The following ARHGAP23 variants were observed in gnomAD, a reference collection of about 807,000 sequenced individuals.
ARHGAP23 encodes Rho GTPase activating protein 23.
ARHGAP23 carries 34 observed loss-of-function variants against 136.3 expected under a neutral mutation model. The ratio of observed to expected loss-of-function variants is 0.25; its 90% CI spans 0.19 to 0.33. ARHGAP23 has a LOEUF of 0.33. Among genes scored for constraint, ARHGAP23 ranks in the 10% least tolerant of loss-of-function variants. ARHGAP23 has a pLI of 1.00. For synonymous variants in ARHGAP23, 832 were observed against 920.5 expected (o/e 0.90, Z 1.74); for missense variants, 1,808 against 2,139.0 (o/e 0.85, Z 3.05).
At chr17:38,428,593 G>C in intron 1 of ARHGAP23, 45 bp downstream of exon 1, 1 of 1,291,346 alleles carries the variant, frequency 7.7e-7, no homozygotes, top group Non-Finnish European at 1.0e-6. Flanking sequence ...GGTAGCTGCT[G>C]GGGAGCGGGC....
rs184474357 is a variant in ARHGAP23, at chr17:38,496,145, G to C, written c.3277-1640G>C. 6.1e-3 allele frequency among the ~76,000 whole-genome samples: 922 copies of C among 152,166 alleles called. 13 individuals carry two copies. The highest frequency in any genetic ancestry group is 0.021 in the African/African-American group (882 of 41,526). ...ACTCCTGACCTCAGGTGATCCGCCC[G>C]CCTCAGCCTCCCAAAGTGCTGGGAT... On this transcript the variant is annotated intron_variant, in intron 20 of 23. Coordinates refer to ENST00000622683, the MANE Select transcript of ARHGAP23 (RefSeq NM_001199417.2).
rs1278774291 is a variant in ARHGAP23 at position 38,498,489 on chromosome 17, C to A, written c.3394C>A (p.Pro1132Thr). 6.5e-7 allele frequency: 1 copy of A among 1,547,402 alleles called. No individual in the cohort carries two copies. Residue 1132 changes from proline (P) to threonine (T), a missense_variant, in exon 22 of 24, where the codon CCC becomes ACC. Physicochemically the swap from Pro to Thr is conservative, Grantham distance 38. Coordinates refer to ENST00000622683, the MANE Select transcript of ARHGAP23 (RefSeq NM_001199417.2). ...CCTGCCCAACATTGGCAGGACAGTG[C>A]CCCCTGGCGACCCGGGGTCAGGTGA... ...YLLPNIGRTV[P>T]PGDPGSDSTT...
At chr17:38,488,841 G>T (rs908425106) in intron 17 of ARHGAP23, among the ~76,000 whole-genome samples, 1 of 151,838 alleles carries the variant, frequency 6.6e-6, no homozygotes, top group Non-Finnish European at 1.5e-5. Context: ...GAGCCACCGC[G>T]CCCTGCCTAA....
intron 17 of ARHGAP23, chr17:38,489,688 A>G (rs9890193): frequency 0.019 from 3,453 of 179,068 alleles, 123 homozygotes; most frequent in African/African-American, 0.076. Context: ...AAAGGTCCCC[A>G]TGGACTTGTT....
In ARHGAP23 at chr17:38,479,544, G is replaced by A. The variant is rs1452389899; in HGVS notation, c.2498+47G>A. The A allele has an allele frequency of 5.2e-6, 8 of 1,533,280 alleles. No individual in the cohort carries two copies. In the African/African-American group the frequency reaches 6.9e-5, roughly 13 times the overall value. The allele number at this position is 1,533,280 out of a possible 1,614,324, so 95.0% of individuals were successfully genotyped here. ...GCAGTCTCCTCTGTGGGGGTGGTAG[G>A]GGGCTGAAGGCAAAGGATGTCTTCC... On this transcript the variant is annotated intron_variant, in intron 13 of 23. Transcript: ENST00000622683.
intron 23 of ARHGAP23, chr17:38,500,921 T>G (rs903841126): frequency 1.4e-4 from 60 of 437,150 alleles, no homozygotes; most frequent in Admixed American, 2.4e-4. Context: ...AGTCCTGGGT[T>G]TGAGTTCTGG....
At position 38,472,021 on chromosome 17, in the gene ARHGAP23, G is replaced by A. The variant is rs758365869; in HGVS notation, c.2118+15G>A. 2.1e-5 allele frequency: 32 copies of A among 1,539,100 alleles called. No individual in the cohort carries two copies. In the East Asian group the frequency reaches 6.1e-4, roughly 29 times the overall value. Reference sequence around the variant, plus strand: ...AGAAGGGGAAGGTAAGATGGGTGGAGGAATGAGGTGGAAGCTGGCTCCAGC... The same window carrying A: ...AGAAGGGGAAGGTAAGATGGGTGGAAGAATGAGGTGGAAGCTGGCTCCAGC... On this transcript the variant is annotated intron_variant, in intron 11 of 23. Transcript: ENST00000622683.
chr17:38,479,673 G>A (rs1347317721), intron 13 of ARHGAP23, 80 bp from the exon 14 acceptor site: 45 of 1,443,222 alleles, frequency 3.1e-5, no homozygotes, highest in Admixed American at 5.2e-5. Context: ...GGGAGGTCCC[G>A]AGGGGCGGGA....
At chr17:38,464,960 C>G (rs1415135305) in intron 6 of ARHGAP23, among the ~76,000 whole-genome samples, 1 of 152,166 alleles carries the variant, frequency 6.6e-6, no homozygotes, top group Non-Finnish European at 1.5e-5. Flanking sequence ...CCCATCCTCT[C>G]CTCCCTCCTC....
Position 38,510,232 on chromosome 17 carries a change from A to G in ARHGAP23, c.3736A>G (p.Ile1246Val). Residue 1246 changes from isoleucine to valine, a missense_variant, in exon 24 of 24, where the codon ATT (isoleucine) becomes GTT (valine). This residue lies in a region of ARHGAP23 where 506 missense variants were observed against 455.8 expected (regional missense o/e 1.11). Coordinates refer to ENST00000622683, the MANE Select transcript of ARHGAP23 (RefSeq NM_001199417.2). This position sits in a 1 kb window ranked among gnomAD's most constrained non-coding sequence, Gnocchi z 4.6. ...GCGGCCGGCCGCGGACACGCGCTCCATTGTGTCGGGCTACTCCACCCTGTC... is the reference window on the plus strand; with the variant it reads ...GCGGCCGGCCGCGGACACGCGCTCCGTTGTGTCGGGCTACTCCACCCTGTC... ...EERPAADTRS[I>V]VSGYSTLSTM... 3.6e-6 allele frequency: 5 copies of G among 1,381,434 alleles called. No homozygotes were observed. The highest frequency in any genetic ancestry group is 4.7e-6 in the Non-Finnish European group (5 of 1,067,156). The allele number at this position is 1,381,434 out of a possible 1,614,324, so 85.6% of individuals were successfully genotyped here.
At chr17:38,482,893 G>A (rs899548015) in intron 16 of ARHGAP23, among the ~76,000 whole-genome samples, 3 of 152,236 alleles carry the variant, frequency 2.0e-5, no homozygotes, top group Non-Finnish European at 2.9e-5. Context: ...CCAAGTAAAT[G>A]CAGTCATGGC....
chr17:38,470,693 C>T (rs1359123675), intron 10 of ARHGAP23, among the ~76,000 whole-genome samples: 2 of 152,034 alleles, frequency 1.3e-5, no homozygotes, highest in South Asian at 2.1e-4. Flanking sequence ...TGTGCCACCA[C>T]GCCTGGGTAA....
rs765799975 is a variant in ARHGAP23, at chr17:38,491,478, C to T, written c.3222C>T (p.Asp1074=). The T allele has an allele frequency of 1.7e-5, 26 of 1,549,622 alleles. No homozygotes were observed. The highest frequency in any genetic ancestry group is 2.1e-5 in the Non-Finnish European group (24 of 1,146,820). The change falls in exon 20 of 24, where the codon GAC becomes GAT. Residue 1074 remains aspartate (D), a synonymous_variant. Coordinates refer to ENST00000622683, the MANE Select transcript of ARHGAP23 (RefSeq NM_001199417.2). ...LVRTSEDNMT[D]MVTHMPDRYK... ...GGACGTCTGAGGACAACATGACAGACATGGTGACCCACATGCCTGACCGCT... is the reference window on the plus strand; with the variant it reads ...GGACGTCTGAGGACAACATGACAGATATGGTGACCCACATGCCTGACCGCT...
Position 38,510,648 on chromosome 17 carries a change from C to A in ARHGAP23, c.4152C>A (p.Leu1384=). Residue 1384 remains leucine (L), a synonymous_variant, in exon 24 of 24, where the codon CTC becomes CTA. Transcript: ENST00000622683. This position sits in a 1 kb window ranked among gnomAD's most constrained non-coding sequence, Gnocchi z 4.6. ...LRLRGTADDM[L]AVRLRRPLSP... ...TCCGCGGCACGGCGGACGACATGCTCGCCGTGCGCCTGCGGCGGCCGCTGT... is the reference window on the plus strand; with the variant it reads ...TCCGCGGCACGGCGGACGACATGCTAGCCGTGCGCCTGCGGCGGCCGCTGT... 1.5e-6 allele frequency: 2 copies of A among 1,369,462 alleles called. No individual in the cohort carries two copies. The highest frequency in any genetic ancestry group is 1.9e-6 in the Non-Finnish European group (2 of 1,070,178). The allele number at this position is 1,369,462 out of a possible 1,614,324, so 84.8% of individuals were successfully genotyped here.
intron 6 of ARHGAP23, among the ~76,000 whole-genome samples, 194 bp downstream of exon 6, chr17:38,463,576 C>G (rs2039512028): frequency 6.6e-6 from 1 of 152,180 alleles, no homozygotes; most frequent in Non-Finnish European, 1.5e-5. Flanking sequence ...AGCGGGAGAC[C>G]TGGCCTTGGC....
At chr17:38,448,700 C>T (rs1192699931) in intron 1 of ARHGAP23, among the ~76,000 whole-genome samples, 7 of 140,252 alleles carry the variant, frequency 5.0e-5, no homozygotes, top group Non-Finnish European at 1.1e-4. Context: ...GGCTGGAGTG[C>T]AGTGGCGCGA....
chr17:38,438,355 G>T (rs1161419580), intron 1 of ARHGAP23, among the ~76,000 whole-genome samples: 4 of 151,910 alleles, frequency 2.6e-5, no homozygotes, highest in African/African-American at 9.7e-5. Flanking sequence ...GTTTGTTGGG[G>T]CAAGAAAGGG....
Position 38,469,919 on chromosome 17 carries a change from T to A in ARHGAP23, c.1974+15T>A. Reference sequence around the variant, plus strand: ...TCACCGACGGGGTGAGAGCTGCAAGTGTGTGTGCGTGCGCAGGAGCGAGGG... The same window carrying A: ...TCACCGACGGGGTGAGAGCTGCAAGAGTGTGTGCGTGCGCAGGAGCGAGGG... On this transcript the variant is annotated intron_variant, in intron 10 of 23. Transcript: ENST00000622683. 6.4e-7 allele frequency: 1 copy of A among 1,551,482 alleles called. No individual in the cohort carries two copies. Among genetic ancestry groups the A allele is most frequent in the Non-Finnish European group, 8.7e-7 (1 of 1,146,902 alleles).
intron 2 of ARHGAP23, among the ~76,000 whole-genome samples, chr17:38,458,759 A>G (rs1393001469): frequency 6.6e-6 from 1 of 152,156 alleles, no homozygotes; most frequent in Non-Finnish European, 1.5e-5. Context: ...GCCACAGCTC[A>G]GTGCGCTGGA....
Sources: allele counts gnomAD v4.1 joint callset (sites outside exome capture counted in the v4.1 genomes callset), GRCh38; gene constraint gnomAD v4.1.1; regional missense constraint gnomAD v4.1.1; non-coding constraint Gnocchi (gnomAD v3.1); transcripts MANE v1.5; gene names NCBI Gene and HGNC (gene_info 2026-07-23, HGNC 2026-07-21).